The following KCNH7 variants were observed in gnomAD, a reference collection of about 807,000 sequenced individuals.
The protein encoded by KCNH7 is voltage-gated inwardly rectifying potassium channel KCNH7.
A neutral mutation model predicts 120.8 loss-of-function variants in KCNH7; 49 were observed. The ratio of observed to expected loss-of-function variants is 0.41; its 90% CI spans 0.32 to 0.51. The LOEUF is 0.51. KCNH7 is among the 20% of genes least tolerant of loss of function. KCNH7 has a pLI of 0.38. For synonymous variants in KCNH7, 547 were observed against 516.1 expected, an observed-to-expected ratio of 1.06 and a Z score of -0.81; for missense variants, 1,097 against 1,446.6, an observed-to-expected ratio of 0.76 and a Z score of 3.92.
At chr2:162,663,398 A>G (rs1254835759) in intron 2 of KCNH7, among the ~76,000 whole-genome samples, 1 of 152,232 alleles carries the variant, frequency 6.6e-6, no homozygotes, top group Admixed American at 6.5e-5. Context: ...ATTTGAGGAT[A>G]TATTTTGATG....
chr2:162,514,975 C>T (rs2105779388), intron 4 of KCNH7, among the ~76,000 whole-genome samples: 1 of 151,862 alleles, frequency 6.6e-6, no homozygotes, highest in African/African-American at 2.4e-5. Context: ...TAATCAGTTA[C>T]ATGAATTCAT....
intron 6 of KCNH7, among the ~76,000 whole-genome samples, chr2:162,464,798 C>G (rs13387976): frequency 2.0e-5 from 3 of 151,854 alleles, no homozygotes; most frequent in Non-Finnish European, 4.4e-5. Flanking sequence ...CTAATTTTAC[C>G]TTACTGATAA....
intron 2 of KCNH7, among the ~76,000 whole-genome samples, chr2:162,775,375 C>T (rs1012031971): frequency 2.0e-5 from 3 of 152,144 alleles, no homozygotes; most frequent in Non-Finnish European, 2.9e-5. Context: ...ATACTTTCCT[C>T]TTATTGTCTA....
chr2:162,430,479 A>G (rs1376882495), intron 8 of KCNH7, among the ~76,000 whole-genome samples: 1 of 151,762 alleles, frequency 6.6e-6, no homozygotes, highest in Non-Finnish European at 1.5e-5. Context: ...TTGTTTTCTT[A>G]ACTCCGTAAG....
rs894023630 is a variant in KCNH7 at position 162,722,813 on chromosome 2, C to CTTTTTTTTTTTTTTT, written c.307+113709_307+113723dup. Among the ~76,000 whole-genome samples, 92 of 85,094 alleles carry CTTTTTTTTTTTTTTT rather than the reference C, an allele frequency of 1.1e-3. 2 individuals are homozygous for CTTTTTTTTTTTTTTT. Among genetic ancestry groups the CTTTTTTTTTTTTTTT allele is most frequent in the African/African-American group, 3.9e-3 (64 of 16,540 alleles). 55.8% of individuals were successfully genotyped at this position (85,094 alleles called of 152,430 possible). ...AATCCTTTTCATTCATTCTTTTTTT[C>CTTTTTTTTTTTTTTT]TTTTTTTTTTTTTTTTTTGCTTCTC... On this transcript the variant is annotated intron_variant, in intron 2 of 15. Transcript: ENST00000332142.
At chr2:162,828,204 G>T (rs985489419) in intron 2 of KCNH7, among the ~76,000 whole-genome samples, 4 of 152,036 alleles carry the variant, frequency 2.6e-5, no homozygotes, top group African/African-American at 9.7e-5. Flanking sequence ...CATTGATTTT[G>T]TCCAATTGAT....
chr2:162,650,738 A>G (rs777078317), intron 2 of KCNH7, among the ~76,000 whole-genome samples: 29 of 152,068 alleles, frequency 1.9e-4, no homozygotes, highest in Non-Finnish European at 3.4e-4. Flanking sequence ...TGCCTCCCCT[A>G]CTAGACGTTC....
At chr2:162,719,448 A>G (rs1687248157) in intron 2 of KCNH7, among the ~76,000 whole-genome samples, 1 of 152,036 alleles carries the variant, frequency 6.6e-6, no homozygotes, top group African/African-American at 2.4e-5. Flanking sequence ...AATACTAACA[A>G]TGGGTAACTA....
intron 2 of KCNH7, among the ~76,000 whole-genome samples, chr2:162,686,889 G>A (rs961538148): frequency 1.3e-5 from 2 of 151,952 alleles, no homozygotes; most frequent in African/African-American, 4.8e-5. Context: ...TTTTCTGTTC[G>A]TCTGAATACT....
At chr2:162,646,680 G>A (rs931397895) in intron 2 of KCNH7, among the ~76,000 whole-genome samples, 1 of 152,094 alleles carries the variant, frequency 6.6e-6, no homozygotes, top group African/African-American at 2.4e-5. Flanking sequence ...AAGACAAAGG[G>A]GACCATAAGA....
chr2:162,517,000 A>G (rs1039419582), intron 4 of KCNH7, among the ~76,000 whole-genome samples: 4 of 151,810 alleles, frequency 2.6e-5, no homozygotes, highest in African/African-American at 7.2e-5. Context: ...TGTATCAAGC[A>G]CTTACATTGC....
At chr2:162,810,877 A>G (rs1684711105) in intron 2 of KCNH7, among the ~76,000 whole-genome samples, 1 of 152,180 alleles carries the variant, frequency 6.6e-6, no homozygotes, top group South Asian at 2.1e-4. Flanking sequence ...CGTAAATTAA[A>G]TAAAAAAGCA....
chr2:162,589,616 G>C (rs73026669), intron 2 of KCNH7, among the ~76,000 whole-genome samples: 4,247 of 152,024 alleles, frequency 0.028, 218 homozygotes, highest in African/African-American at 0.098. Context: ...GGGTTGAAAG[G>C]GTAGCTCCTC....
intron 2 of KCNH7, among the ~76,000 whole-genome samples, chr2:162,690,848 T>C (rs566995719): frequency 9.2e-4 from 140 of 152,288 alleles, no homozygotes; most frequent in Middle Eastern, 3.4e-3. Context: ...ACAGGGGAAG[T>C]GTATTGCTTA....
chr2:162,763,535 G>A (rs1689035690), intron 2 of KCNH7, among the ~76,000 whole-genome samples: 1 of 152,050 alleles, frequency 6.6e-6, no homozygotes, highest in African/African-American at 2.4e-5. Context: ...TTCCAAAATT[G>A]TTAGAAAATA....
chr2:162,601,435 T>C (rs1559038538), intron 2 of KCNH7, among the ~76,000 whole-genome samples: 2 of 133,260 alleles, frequency 1.5e-5, no homozygotes, highest in Non-Finnish European at 3.2e-5. Flanking sequence ...TTGCTTACTT[T>C]GGTGTTTTTA....
intron 2 of KCNH7, among the ~76,000 whole-genome samples, chr2:162,772,839 T>C (rs996476815): frequency 1.3e-5 from 2 of 152,214 alleles, no homozygotes; most frequent in Non-Finnish European, 2.9e-5. Context: ...ATCCCTGTGT[T>C]TGAGAATCTT....
At position 162,549,301 on chromosome 2, in the gene KCNH7, GA is replaced by G. The variant is rs568353254; in HGVS notation, c.308-12222del. On this transcript the variant is annotated intron_variant, in intron 2 of 15. Transcript: ENST00000332142. Reference sequence around the variant, plus strand: ...GCTCCTCTGGCTTTACCCATAACTAGAAATATGTTGGATATAAAAGCTGGGG... The same window carrying G: ...GCTCCTCTGGCTTTACCCATAACTAGAATATGTTGGATATAAAAGCTGGGG... Among the ~76,000 whole-genome samples, 28 of 152,292 alleles carry G rather than the reference GA, an allele frequency of 1.8e-4. No homozygotes were observed. In the South Asian group the frequency reaches 5.8e-3, roughly 32 times the overall value.
In KCNH7 at chr2:162,621,339, G is replaced by A. The variant is rs188982773; in HGVS notation, c.308-84259C>T. On this transcript the variant is annotated intron_variant, in intron 2 of 15. Transcript: ENST00000332142. ...GAATTACTGAAGACATGCCCCTGCCGGCAAATGAGGAGCCACAACACAATG... is the reference window on the plus strand; with the variant it reads ...GAATTACTGAAGACATGCCCCTGCCAGCAAATGAGGAGCCACAACACAATG... 1.1e-3 allele frequency among the ~76,000 whole-genome samples: 150 copies of A among 130,572 alleles called. 2 individuals are homozygous for A. Among genetic ancestry groups the A allele is most frequent in the Admixed American group, 9.1e-3 (98 of 10,714 alleles). 85.7% of individuals were successfully genotyped at this position (130,572 alleles called of 152,430 possible).
Sources: gnomAD v4.1 joint callset for allele counts (sites outside exome capture counted in the v4.1 genomes callset) on GRCh38, gnomAD v4.1.1 for gene constraint, MANE v1.5 for transcripts, NCBI Gene and HGNC (gene_info 2026-07-23, HGNC 2026-07-21) for gene names.